MEIS1: variants seen among roughly 807,000 people sequenced by gnomAD.
The protein encoded by MEIS1 is homeobox protein Meis1.
In MEIS1, 5 loss-of-function variants were observed where a neutral mutation model predicts 50.8. The ratio of observed to expected loss-of-function variants is 0.10; its 90% CI spans 0.05 to 0.21. The LOEUF (loss-of-function observed/expected upper bound fraction) is 0.21. Ranked by LOEUF, MEIS1 falls within the 10% of genes least tolerant of loss-of-function variation. The probability of loss-of-function intolerance (pLI) is 1.00; values close to 1 mark genes in which losing one functional copy is unlikely to be tolerated. For synonymous variants in MEIS1, 176 were observed against 179.3 expected, an observed-to-expected ratio of 0.98 and a Z score of 0.15; for missense variants, 318 against 517.3, an observed-to-expected ratio of 0.61 and a Z score of 3.74.
At chr2:66,558,055 G>GGATCA (rs2103953747) in intron 9 of MEIS1, among the ~76,000 whole-genome samples, 1 of 152,050 alleles carries the variant, frequency 6.6e-6, no homozygotes, top group African/African-American at 2.4e-5. Flanking sequence ...CGAGGGAGGC[G>GGATCA]GATCACCTGA....
intron 6 of MEIS1, among the ~76,000 whole-genome samples, chr2:66,449,259 C>T (rs888234557): frequency 1.4e-4 from 21 of 152,052 alleles, no homozygotes; most frequent in Non-Finnish European, 3.1e-4. Context: ...AATGTAATAC[C>T]TGTATAAAAA....
intron 7 of MEIS1, among the ~76,000 whole-genome samples, chr2:66,465,887 T>G (rs752858467): frequency 3.3e-5 from 5 of 152,214 alleles, no homozygotes; most frequent in South Asian, 4.1e-4. Flanking sequence ...TGTATGCTGC[T>G]TCTTCCTTCA....
At chr2:66,533,801 C>G (rs894695676) in intron 8 of MEIS1, among the ~76,000 whole-genome samples, 2 of 152,154 alleles carry the variant, frequency 1.3e-5, no homozygotes, top group African/African-American at 4.8e-5. Flanking sequence ...GTGTCACTTA[C>G]AGGCAGCACA....
chr2:66,445,076 G>C (rs957599013), intron 6 of MEIS1: 4 of 152,196 alleles, frequency 2.6e-5, no homozygotes, highest in African/African-American at 7.2e-5. Context: ...ATTCCCTTCA[G>C]ATATGCAAAT....
chr2:66,496,276 T>G (rs1261064741), intron 7 of MEIS1: 2 of 152,218 alleles, frequency 1.3e-5, no homozygotes, highest in African/African-American at 4.8e-5. Context: ...TGACTGTTCT[T>G]TACTCCAGGC....
In MEIS1 at chr2:66,572,607, G is replaced by A. The variant is rs1347236881; in HGVS notation, c.*1399G>A. 1 of 152,038 alleles carries A rather than the reference G, an allele frequency of 6.6e-6. No homozygotes were observed. The highest frequency in any genetic ancestry group is 2.4e-5 in the African/African-American group (1 of 41,382). The allele number at this position is 152,038 out of a possible 1,614,324, so 9.4% of individuals were successfully genotyped here. On this transcript the variant is annotated 3_prime_UTR_variant, in exon 13 of 13. Coordinates refer to ENST00000272369, the MANE Select transcript of MEIS1 (RefSeq NM_002398.3). ...TAGCCTTTTTCTATCAAGAAACCAA[G>A]GAGCTAATTATTAATAACAATCATT...
In MEIS1 at chr2:66,508,193, T is replaced by C. The variant is rs1673730813; in HGVS notation, c.743-3956T>C. ...TGGTGTTTTTTTAAATAGTGTCTTG[T>C]TGCTGTGCAGAGTTCCTCTGCTCCT... On this transcript the variant is annotated intron_variant, in intron 7 of 12. Coordinates refer to ENST00000272369, the MANE Select transcript of MEIS1 (RefSeq NM_002398.3). Among the ~76,000 whole-genome samples the C allele has an allele frequency of 2.0e-5, 3 of 152,186 alleles. No homozygotes were observed. The South Asian group carries it at 6.2e-4, about 32-fold the overall frequency.
chr2:66,455,333 T>C (rs1467870230), intron 6 of MEIS1, among the ~76,000 whole-genome samples: 3 of 152,230 alleles, frequency 2.0e-5, no homozygotes, highest in Admixed American at 6.5e-5. Flanking sequence ...GTACCACATG[T>C]AGAAATCTAT....
chr2:66,519,419 C>CG (rs1234008515), intron 8 of MEIS1, among the ~76,000 whole-genome samples: 3 of 151,722 alleles, frequency 2.0e-5, no homozygotes, highest in African/African-American at 7.3e-5. Flanking sequence ...GTGCAGAGTC[C>CG]GGAGTGTGGG....
At chr2:66,446,382 G>C (rs1425265926) in intron 6 of MEIS1, among the ~76,000 whole-genome samples, 2 of 152,116 alleles carry the variant, frequency 1.3e-5, no homozygotes, top group African/African-American at 4.8e-5. Flanking sequence ...TCCACTCCAA[G>C]AACGCGTTGG....
intron 6 of MEIS1, among the ~76,000 whole-genome samples, chr2:66,458,013 C>T (rs1428427600): frequency 6.6e-6 from 1 of 152,180 alleles, no homozygotes; most frequent in Non-Finnish European, 1.5e-5. Flanking sequence ...TTGACAGGTG[C>T]AGACTGACTT....
intron 9 of MEIS1, among the ~76,000 whole-genome samples, chr2:66,558,489 GTGT>G (rs1675132016): frequency 1.3e-5 from 2 of 151,988 alleles, no homozygotes; most frequent in South Asian, 2.1e-4. Flanking sequence ...TCCTTTAAGT[GTGT>G]TTCCATTTGT....
At chr2:66,456,235 T>TATACACACACAC (rs1553371816) in intron 6 of MEIS1, among the ~76,000 whole-genome samples, 4 of 147,514 alleles carry the variant, frequency 2.7e-5, no homozygotes, top group African/African-American at 7.7e-5. Context: ...ATGATTTTTA[T>TATACACACACAC]ACACACACAC....
intron 3 of MEIS1, 112 bp from the exon 4 acceptor site, chr2:66,440,450 C>A: frequency 1.1e-6 from 1 of 916,612 alleles, no homozygotes; most frequent in Non-Finnish European, 1.8e-6. Flanking sequence ...AGGGTTACTT[C>A]CTGCCCCCGA....
intron 8 of MEIS1, among the ~76,000 whole-genome samples, chr2:66,541,826 A>G (rs1043107002): frequency 3.3e-5 from 5 of 152,232 alleles, no homozygotes; most frequent in African/African-American, 9.6e-5. Flanking sequence ...CATTCAGGCT[A>G]TGTTCTGCGA....
chr2:66,460,528 G>GA (rs1303958472), intron 6 of MEIS1, among the ~76,000 whole-genome samples: 1 of 152,092 alleles, frequency 6.6e-6, no homozygotes, highest in African/African-American at 2.4e-5. Context: ...CCTAGAACTA[G>GA]AAAAAACATG....
At chr2:66,490,920 A>G (rs1673255797) in intron 7 of MEIS1, among the ~76,000 whole-genome samples, 1 of 152,184 alleles carries the variant, frequency 6.6e-6, no homozygotes, top group Non-Finnish European at 1.5e-5. Context: ...TCTGTTCCCT[A>G]CCATTTGCGT....
intron 7 of MEIS1, among the ~76,000 whole-genome samples, chr2:66,476,784 C>T (rs1174503531): frequency 2.0e-5 from 3 of 152,190 alleles, no homozygotes; most frequent in Non-Finnish European, 4.4e-5. Context: ...ACTACCTCGT[C>T]CCCCGGAGTT....
intron 9 of MEIS1, among the ~76,000 whole-genome samples, chr2:66,557,836 C>T (rs1351838542): frequency 1.3e-5 from 2 of 152,114 alleles, no homozygotes. Context: ...TCGATCATCC[C>T]AATTTCAGCA....
Sources: allele counts gnomAD v4.1 joint callset (sites outside exome capture counted in the v4.1 genomes callset), GRCh38; gene constraint gnomAD v4.1.1; transcripts MANE v1.5; gene names NCBI Gene and HGNC (gene_info 2026-07-23, HGNC 2026-07-21).